STYXL1: variants seen among roughly 807,000 people sequenced by gnomAD.
The protein encoded by STYXL1 is serine/threonine/tyrosine-interacting-like protein 1.
In STYXL1, 32 loss-of-function variants were observed where a neutral mutation model predicts 36.4. The ratio of observed to expected loss-of-function variants is 0.88; its 90% CI spans 0.66 to 1.18. The LOEUF (loss-of-function observed/expected upper bound fraction) is 1.18. STYXL1 is among the 50% of genes most tolerant of loss of function. The pLI, the probability that STYXL1 is intolerant of heterozygous loss-of-function variation, is 0.00. For missense variants in STYXL1, 354 were observed against 394.1 expected, an observed-to-expected ratio of 0.90 and a Z score of 0.86; for synonymous variants, 133 against 144.1, an observed-to-expected ratio of 0.92 and a Z score of 0.55.
chr7:76,013,494 G>A (rs1792863028), intron 5 of STYXL1, among the ~76,000 whole-genome samples: 1 of 151,586 alleles, frequency 6.6e-6, no homozygotes, highest in Non-Finnish European at 1.5e-5. Flanking sequence ...GCATGATCTT[G>A]GCTCACTGCA....
chr7:76,016,387 GTA>G (rs1216827485), intron 4 of STYXL1, among the ~76,000 whole-genome samples: 5 of 147,122 alleles, frequency 3.4e-5, no homozygotes, highest in African/African-American at 8.0e-5. Context: ...GCGTATATAC[GTA>G]TGTGTGTATA....
intron 7 of STYXL1, among the ~76,000 whole-genome samples, chr7:76,001,792 ATTTTTTTTTTT>A (rs71082373): frequency 3.1e-5 from 3 of 96,950 alleles, no homozygotes; most frequent in African/African-American, 8.5e-5. Context: ...ACTGCGCCTG[ATTTTTTTTTTT>A]TTTTTTTTTT....
At chr7:76,000,857 C>T in intron 8 of STYXL1, 33 bp downstream of exon 8, 2 of 1,594,070 alleles carry the variant, frequency 1.3e-6, no homozygotes, top group Middle Eastern at 1.7e-4. Context: ...CAGGGGGTGG[C>T]CGTGGTGCGA....
At chr7:76,028,494 G>T (rs1331902946) in intron 3 of STYXL1, 148 bp downstream of exon 3, 2 of 690,166 alleles carry the variant, frequency 2.9e-6, no homozygotes, top group Non-Finnish European at 5.2e-6. Context: ...AATGTGTGAG[G>T]GTGAGAGGTG....
At chr7:76,025,885 G>A (rs1794643337) in intron 3 of STYXL1, among the ~76,000 whole-genome samples, 3 of 151,894 alleles carry the variant, frequency 2.0e-5, no homozygotes, top group South Asian at 4.2e-4. Context: ...GAGTTATTGA[G>A]TTATGTGCAG....
intron 7 of STYXL1, among the ~76,000 whole-genome samples, chr7:76,001,717 A>G (rs374790176): frequency 5.4e-4 from 81 of 150,146 alleles, no homozygotes; most frequent in African/African-American, 1.8e-3. Flanking sequence ...CTGGTCTCCA[A>G]CTCCAGACCT....
At chr7:76,030,884 A>G (rs138674957) in intron 1 of STYXL1, among the ~76,000 whole-genome samples, 1,483 of 147,502 alleles carry the variant, frequency 0.01, 27 homozygotes, top group African/African-American at 0.033. Context: ...AAATTGGCCA[A>G]GAGTGGTGGC....
intron 1 of STYXL1, among the ~76,000 whole-genome samples, chr7:76,031,728 AAT>A (rs1795357710): frequency 2.0e-5 from 3 of 151,810 alleles, no homozygotes; most frequent in Non-Finnish European, 2.9e-5. Context: ...AAAAAAAAAA[AAT>A]GTGTAGTGAA....
intron 4 of STYXL1, among the ~76,000 whole-genome samples, chr7:76,020,250 T>C (rs1793901055): frequency 6.6e-6 from 1 of 152,154 alleles, no homozygotes; most frequent in South Asian, 2.1e-4. Flanking sequence ...GCCAAGGACC[T>C]CCTGGGACAA....
rs1329760826 is a variant in STYXL1, at chr7:76,037,450, C to T, written c.-4-6923G>A. On this transcript the variant is annotated intron_variant, in intron 1 of 8. Transcript: ENST00000359697. Reference sequence around the variant, plus strand: ...GGGAAGCTCCCCTCTAGTGACAGCACGTGTCTATATTTGGGGAAAACAGCC... The same window carrying T: ...GGGAAGCTCCCCTCTAGTGACAGCATGTGTCTATATTTGGGGAAAACAGCC... Among the ~76,000 whole-genome samples the T allele has an allele frequency of 2.7e-5, 4 of 150,040 alleles. No homozygotes were observed. The East Asian group carries it at 7.7e-4, about 29-fold the overall frequency.
In STYXL1 at chr7:76,047,916, C is replaced by A; in HGVS notation, c.-259G>T. On this transcript the variant is annotated 5_prime_UTR_variant, in exon 1 of 9. Transcript: ENST00000359697. The stretch of plus-strand genomic sequence containing the variant: ...ACTCCGACCGCAGGTCCCCCACCGG[C>A]CACACAGACGGCTACGCTAGAACCC... 7.0e-7 allele frequency: 1 copy of A among 1,424,282 alleles called. No homozygotes were observed. The highest frequency in any genetic ancestry group is 9.2e-7 in the Non-Finnish European group (1 of 1,091,114). 88.2% of individuals were successfully genotyped at this position (1,424,282 alleles called of 1,614,324 possible).
chr7:76,009,102 C>T (rs991534627), intron 5 of STYXL1, among the ~76,000 whole-genome samples: 2 of 152,124 alleles, frequency 1.3e-5, no homozygotes, highest in Non-Finnish European at 2.9e-5. Flanking sequence ...TCCTTTTCTG[C>T]GGTTGTGTGG....
intron 5 of STYXL1, among the ~76,000 whole-genome samples, chr7:76,005,851 AG>A (rs1791621289): frequency 4.1e-5 from 1 of 24,150 alleles, no homozygotes; most frequent in African/African-American, 1.4e-4. Context: ...AGGAAGAGAG[AG>A]GAGGAGAGAG....
chr7:76,021,796 A>G (rs1256822224), intron 4 of STYXL1, 55 bp downstream of exon 4: 8 of 1,362,580 alleles, frequency 5.9e-6, no homozygotes, highest in Non-Finnish European at 8.4e-6. Context: ...GTCCTATAAC[A>G]AATTTGTTCA....
chr7:76,046,319 TGTGTGTGTGTGTGTGTGTGTGC>T (rs1186135109), intron 1 of STYXL1, among the ~76,000 whole-genome samples: 3,142 of 37,800 alleles, frequency 0.083, 157 homozygotes, highest in South Asian at 0.16. Context: ...TGTGTGTGTG[TGTGTGTGTGTGTGTGTGTGTGC>T]GCGCGCGCGC....
chr7:76,009,650 C>G (rs782059034), intron 5 of STYXL1, among the ~76,000 whole-genome samples: 1 of 152,222 alleles, frequency 6.6e-6, no homozygotes, highest in Non-Finnish European at 1.5e-5. Flanking sequence ...ACCTCGTGAT[C>G]CGCCCGCCTT....
chr7:76,042,961 T>C (rs1554582530), intron 1 of STYXL1, among the ~76,000 whole-genome samples: 1 of 151,382 alleles, frequency 6.6e-6, no homozygotes. Flanking sequence ...GCTGGAAATC[T>C]GAGGCTGGCG....
At chr7:76,000,817 C>A in intron 8 of STYXL1, 73 bp downstream of exon 8, 2 of 1,370,680 alleles carry the variant, frequency 1.5e-6, no homozygotes, top group South Asian at 1.2e-5. Flanking sequence ...GGGCCCCACT[C>A]CTCCCAGGTT....
rs35153306 is a variant in STYXL1 at position 76,000,218 on chromosome 7, CAAAAAAAAAA to C, written c.810+662_810+671del. 5.9e-3 allele frequency among the ~76,000 whole-genome samples: 411 copies of C among 69,474 alleles called. 1 individual carries two copies. The highest frequency in any genetic ancestry group is 0.021 in the African/African-American group (386 of 18,166). 45.6% of individuals were successfully genotyped at this position (69,474 alleles called of 152,430 possible). On this transcript the variant is annotated intron_variant, in intron 8 of 8. Coordinates refer to ENST00000359697, the MANE Select transcript of STYXL1 (RefSeq NM_001317785.2). ...TGGGCAACAGAACAAGACTCCATCT[CAAAAAAAAAA>C]AAAAAAAAAAAAAAAGGACTTTCTA...
Sources: gnomAD v4.1 joint callset for allele counts (sites outside exome capture counted in the v4.1 genomes callset) on GRCh38, gnomAD v4.1.1 for gene constraint, MANE v1.5 for transcripts, NCBI Gene and HGNC (gene_info 2026-07-23, HGNC 2026-07-21) for gene names.